Variants in ELL observed in about 807,000 individuals in gnomAD.
ELL encodes RNA polymerase II elongation factor ELL.
ELL carries 18 observed loss-of-function variants against 64.0 expected under a neutral mutation model. That is an observed-to-expected ratio of 0.28 (90% confidence interval 0.19 to 0.42). The LOEUF (loss-of-function observed/expected upper bound fraction) is 0.42, where lower values mean the gene tolerates loss of function less well. Among genes scored for constraint, ELL ranks in the 10% least tolerant of loss-of-function variants. The pLI is 1.00. For missense variants in ELL, 797 were observed against 870.4 expected, an observed-to-expected ratio of 0.92 and a Z score of 1.06; for synonymous variants, 399 against 376.2, an observed-to-expected ratio of 1.06 and a Z score of -0.70.
In ELL at chr19:18,484,538, G is replaced by A. The variant is rs148334747; in HGVS notation, c.136-11656C>T. Among the ~76,000 whole-genome samples, 342 of 152,308 alleles carry A rather than the reference G, an allele frequency of 2.2e-3. 1 individual carries two copies. Among genetic ancestry groups the A allele is most frequent in the African/African-American group, 8.0e-3 (331 of 41,570 alleles). On this transcript the variant is annotated intron_variant, in intron 1 of 11. Coordinates refer to ENST00000262809, the MANE Select transcript of ELL (RefSeq NM_006532.4). Reference sequence around the variant, plus strand: ...CACCTGCAGTCCCAGCTACTCAGGTGCTGAGGCAGAAGGATCACCTAAGCA... The same window carrying A: ...CACCTGCAGTCCCAGCTACTCAGGTACTGAGGCAGAAGGATCACCTAAGCA...
In ELL at chr19:18,451,581, C is replaced by A; in HGVS notation, c.937G>T (p.Glu313Ter). 6.7e-7 allele frequency: 1 copy of A among 1,495,558 alleles called. No homozygotes were observed. The highest frequency in any genetic ancestry group is 2.5e-5 in the Admixed American group (1 of 39,560). The allele number at this position is 1,495,558 out of a possible 1,614,324, so 92.6% of individuals were successfully genotyped here. A position where few individuals can be genotyped will look rare whatever the true frequency, so the allele number is the denominator to read the frequency against. The change falls in exon 7 of 12, where the codon GAG becomes TAG. Residue 313 changes from glutamate to a stop codon, truncating the protein, a stop_gained. Coordinates refer to ENST00000262809, the MANE Select transcript of ELL (RefSeq NM_006532.4). LOFTEE classifies it high-confidence loss of function. ...GDPAASSPPGERGRSASPPQK... is the reference protein window; with the variant it reads ...GDPAASSPPG ...GGGGGCGAGGCCGAGCGCCCACGCT[C>A]GCCTGGGGGGCTGGAGGCAGCAGGG...
At chr19:18,467,932 C>A (rs1367861151) in intron 2 of ELL, among the ~76,000 whole-genome samples, 1 of 142,706 alleles carries the variant, frequency 7.0e-6, no homozygotes, top group African/African-American at 2.6e-5. Context: ...ACCATACACA[C>A]ACAATACCCA....
At chr19:18,505,383 C>T (rs2144969243) in intron 1 of ELL, among the ~76,000 whole-genome samples, 1 of 152,336 alleles carries the variant, frequency 6.6e-6, no homozygotes, top group South Asian at 2.1e-4. Context: ...GGCAAGGGCA[C>T]CCGGCAATAA....
Position 18,444,608 on chromosome 19 carries a change from C to T in ELL, c.*144G>A. ...GTGGGCTTGCAGCCACCCGCCAGGGCCAGACGTCTGCAGGGGCTGCCCTGA... is the reference window on the plus strand; with the variant it reads ...GTGGGCTTGCAGCCACCCGCCAGGGTCAGACGTCTGCAGGGGCTGCCCTGA... On this transcript the variant is annotated 3_prime_UTR_variant, in exon 12 of 12. Coordinates refer to ENST00000262809, the MANE Select transcript of ELL (RefSeq NM_006532.4). 1 of 862,100 alleles carries T rather than the reference C, an allele frequency of 1.2e-6. No individual in the cohort carries two copies. Among genetic ancestry groups the T allele is most frequent in the Admixed American group, 2.8e-5 (1 of 35,426 alleles). The allele number at this position is 862,100 out of a possible 1,614,324, so 53.4% of individuals were successfully genotyped here.
intron 1 of ELL, among the ~76,000 whole-genome samples, chr19:18,490,064 C>T (rs372130730): frequency 1.1e-4 from 17 of 152,332 alleles, no homozygotes; most frequent in African/African-American, 3.8e-4. Context: ...CTTGCTTACA[C>T]GCCAGCTGCG....
At chr19:18,470,255 G>A (rs553352089) in intron 2 of ELL, among the ~76,000 whole-genome samples, 1 of 152,378 alleles carries the variant, frequency 6.6e-6, no homozygotes, top group Admixed American at 6.5e-5. Context: ...CATGCTGCAC[G>A]CAAGGACACC....
chr19:18,496,153 T>C (rs964672204), intron 1 of ELL, among the ~76,000 whole-genome samples: 2 of 152,216 alleles, frequency 1.3e-5, no homozygotes, highest in African/African-American at 4.8e-5. Flanking sequence ...GGTGAGGCCA[T>C]GGCTGCGCCC....
rs530594631 is a variant in ELL, at chr19:18,482,308, CTTTTTTT to C, written c.136-9433_136-9427del. On this transcript the variant is annotated intron_variant, in intron 1 of 11. Transcript: ENST00000262809. ...TAGTCCATGGCTTGTCTTTTCATTC[CTTTTTTT>C]TTTTTTTTTTTTTTTTTTTTTAAAC... Among the ~76,000 whole-genome samples the C allele has an allele frequency of 4.7e-3, 364 of 77,560 alleles. 5 individuals carry two copies. Among genetic ancestry groups the C allele is most frequent in the African/African-American group, 0.019 (287 of 15,330 alleles). The allele number at this position is 77,560 out of a possible 152,430, so 50.9% of individuals were successfully genotyped here. A position where few individuals can be genotyped will look rare whatever the true frequency, so the allele number is the denominator to read the frequency against.
intron 1 of ELL, among the ~76,000 whole-genome samples, chr19:18,485,877 T>C (rs1402906063): frequency 6.6e-6 from 1 of 151,758 alleles, no homozygotes; most frequent in Non-Finnish European, 1.5e-5. Context: ...TCCCAGCTAT[T>C]TGGGAGGCTG....
chr19:18,485,603 G>T (rs959111164), intron 1 of ELL, among the ~76,000 whole-genome samples: 1 of 152,164 alleles, frequency 6.6e-6, no homozygotes, highest in African/African-American at 2.4e-5. Flanking sequence ...CGAGATTCAG[G>T]CCCAGCCCAG....
chr19:18,446,910 T>TTGC, intron 8 of ELL, 96 bp from the exon 9 acceptor site: 1 of 1,337,702 alleles, frequency 7.5e-7, no homozygotes, highest in Non-Finnish European at 1.1e-6. Context: ...ACTGTACACT[T>TTGC]TGCTGCTGGA....
Position 18,449,541 on chromosome 19 carries a change from G to A in ELL, c.1465+936C>T, listed in dbSNP as rs1974479141. Among the ~76,000 whole-genome samples the A allele has an allele frequency of 6.6e-6, 1 of 152,176 alleles. No homozygotes were observed. Among genetic ancestry groups the A allele is most frequent in the Non-Finnish European group, 1.5e-5 (1 of 68,026 alleles). ...CTCTCCAGCCACAGCAGGGGACGGG[G>A]CATGGCCCTCTGAGCAACGCAAAGC... On this transcript the variant is annotated intron_variant, in intron 8 of 11. Transcript: ENST00000262809. This position sits in a 1 kb window ranked among gnomAD's most constrained non-coding sequence, Gnocchi z 4.4.
At chr19:18,482,308 CTTTTTTTTT>C (rs530594631) in intron 1 of ELL, among the ~76,000 whole-genome samples, 2,438 of 77,548 alleles carry the variant, frequency 0.031, 105 homozygotes, top group African/African-American at 0.11. Flanking sequence ...CTTTTCATTC[CTTTTTTTTT>C]TTTTTTTTTT....
intron 2 of ELL, chr19:18,471,395 C>T (rs1440777301): frequency 6.8e-6 from 3 of 442,222 alleles, no homozygotes; most frequent in East Asian, 7.5e-5. Context: ...CAAGGCTGGG[C>T]GTGGTGGCTC....
intron 2 of ELL, among the ~76,000 whole-genome samples, 154 bp from the exon 3 acceptor site, chr19:18,466,072 C>T (rs150290772): frequency 0.012 from 1,871 of 152,288 alleles, 42 homozygotes; most frequent in African/African-American, 0.042. Flanking sequence ...CAGCCAGTGA[C>T]GGGACAGGCA....
intron 1 of ELL, among the ~76,000 whole-genome samples, chr19:18,488,925 G>A (rs1271816777): frequency 6.6e-6 from 1 of 152,226 alleles, no homozygotes; most frequent in Non-Finnish European, 1.5e-5. Context: ...CGCAGGTCAT[G>A]CGTCCTGGAC....
chr19:18,447,785 C>CTT (rs766852235), intron 8 of ELL, among the ~76,000 whole-genome samples: 10 of 144,560 alleles, frequency 6.9e-5, no homozygotes, highest in Non-Finnish European at 6.1e-5. Context: ...CCTCAATACA[C>CTT]TTTTTTTTTT....
At chr19:18,518,083 G>A (rs1041360071) in intron 1 of ELL, among the ~76,000 whole-genome samples, 6 of 151,936 alleles carry the variant, frequency 3.9e-5, no homozygotes, top group African/African-American at 1.5e-4. Flanking sequence ...TGTAGGGCAT[G>A]GTGGTGCATG....
Position 18,472,657 on chromosome 19 carries a change from C to T in ELL, c.183+178G>A, listed in dbSNP as rs28521999. 4.0e-4 allele frequency: 281 copies of T among 702,668 alleles called. 2 individuals are homozygous for T. The African/African-American group carries it at 4.2e-3, about 11-fold the overall frequency. 43.5% of individuals were successfully genotyped at this position (702,668 alleles called of 1,614,324 possible). ...AGCAGCCTGTGACGTGCACCCGACA[C>T]GTCCTGGTGTGGCCCCAGCCAAGGG... On this transcript the variant is annotated intron_variant, in intron 2 of 11. Coordinates refer to ENST00000262809, the MANE Select transcript of ELL (RefSeq NM_006532.4).
Sources: allele counts gnomAD v4.1 joint callset (sites outside exome capture counted in the v4.1 genomes callset), GRCh38; gene constraint gnomAD v4.1.1; non-coding constraint Gnocchi (gnomAD v3.1); transcripts MANE v1.5; gene names NCBI Gene and HGNC (gene_info 2026-07-23, HGNC 2026-07-21).